Variants in ANXA4 observed in about 807,000 individuals in gnomAD.
The protein encoded by ANXA4 is annexin A4.
A neutral mutation model predicts 49.8 loss-of-function variants in ANXA4; 39 were observed. The ratio of observed to expected loss-of-function variants is 0.78; its 90% CI spans 0.61 to 1.02. ANXA4 has a LOEUF of 1.02. Among genes scored for constraint, ANXA4 ranks in the 50% least tolerant of loss-of-function variants. ANXA4 has a pLI of 0.00. For synonymous variants in ANXA4, 134 were observed against 152.5 expected, an observed-to-expected ratio of 0.88 and a Z score of 0.89; for missense variants, 360 against 410.1, an observed-to-expected ratio of 0.88 and a Z score of 1.05.
At chr2:69,742,953 C>A (rs1349270304) in intron 1 of ANXA4, among the ~76,000 whole-genome samples, 1 of 152,186 alleles carries the variant, frequency 6.6e-6, no homozygotes, top group Non-Finnish European at 1.5e-5. Flanking sequence ...CATTCTCCTG[C>A]CCACCAGTCC....
chr2:69,662,289 G>T (rs2704444), intron 2 of ANXA4, among the ~76,000 whole-genome samples: 15 of 152,194 alleles, frequency 9.9e-5, no homozygotes, highest in East Asian at 1.9e-4. Flanking sequence ...TTCCAGAAAG[G>T]ATACTCCAAG....
At chr2:69,671,045 A>AAAAAG (rs1559063602) in intron 2 of ANXA4, among the ~76,000 whole-genome samples, 5 of 151,280 alleles carry the variant, frequency 3.3e-5, no homozygotes, top group Admixed American at 1.3e-4. Flanking sequence ...AAAAAAAAAA[A>AAAAAG]AAAAGAAGGG....
chr2:69,809,369 T>A (rs994807273), intron 6 of ANXA4: 1 of 152,204 alleles, frequency 6.6e-6, no homozygotes, highest in Non-Finnish European at 1.5e-5. Flanking sequence ...ATCTGCCCAA[T>A]GAGGGTTTTC....
upstream of ANXA4, among the ~76,000 whole-genome samples, chr2:69,740,940 C>T (rs1037321983): frequency 1.3e-5 from 2 of 150,478 alleles, no homozygotes; most frequent in African/African-American, 4.9e-5. Context: ...GATCCACTTG[C>T]CCTGGCCTCC....
intron 3 of ANXA4, among the ~76,000 whole-genome samples, chr2:69,727,807 A>G (rs1008658319): frequency 1.3e-4 from 20 of 152,130 alleles, no homozygotes; most frequent in African/African-American, 4.3e-4. Flanking sequence ...GATTTTAACA[A>G]TTGTCTCGCT....
At position 69,691,338 on chromosome 2, in the gene ANXA4, C is replaced by T. The variant is rs570479133; in HGVS notation, n.767-29436C>T. Among the ~76,000 whole-genome samples the T allele has an allele frequency of 5.4e-3, 813 of 151,942 alleles. 10 individuals are homozygous for T. Among genetic ancestry groups the T allele is most frequent in the African/African-American group, 0.019 (767 of 41,412 alleles). On this transcript the variant is annotated intron_variant and non_coding_transcript_variant, in intron 2 of 3. Coordinates refer to the ANXA4 transcript ENST00000418066. ...GGGGTTTCACCATGTTGGCCTCGAA[C>T]TCCTGACCTCAAGTAATCCACCCGC...
At chr2:69,739,753 G>A (rs1205677045), upstream of ANXA4, among the ~76,000 whole-genome samples, 1 of 151,884 alleles carries the variant, frequency 6.6e-6, no homozygotes, top group Admixed American at 6.6e-5. Flanking sequence ...TCCTTGGAGT[G>A]GAATTTCAAC....
intron 3 of ANXA4, among the ~76,000 whole-genome samples, chr2:69,790,555 T>TC (rs1672647758): frequency 1.3e-5 from 2 of 152,332 alleles, no homozygotes; most frequent in South Asian, 4.1e-4. Context: ...ACAGAGTTTG[T>TC]TTGATACCTG....
At chr2:69,677,899 C>T (rs1178119667) in intron 2 of ANXA4, among the ~76,000 whole-genome samples, 1 of 152,240 alleles carries the variant, frequency 6.6e-6, no homozygotes, top group African/African-American at 2.4e-5. Flanking sequence ...TGAAGACCCT[C>T]ATGTGACAGG....
chr2:69,794,688 G>A (rs927854612), intron 3 of ANXA4, among the ~76,000 whole-genome samples: 9 of 152,042 alleles, frequency 5.9e-5, no homozygotes, highest in South Asian at 2.1e-4. Context: ...TCAGCCTCCC[G>A]AGTAGCTGGG....
intron 1 of ANXA4, among the ~76,000 whole-genome samples, chr2:69,745,524 TA>T (rs1218985388): frequency 2.0e-5 from 3 of 152,134 alleles, no homozygotes; most frequent in Admixed American, 6.6e-5. Context: ...AACTATGCTT[TA>T]TTTTTTTTAT....
intron 1 of ANXA4, among the ~76,000 whole-genome samples, chr2:69,760,318 G>A (rs968610477): frequency 2.0e-5 from 3 of 152,252 alleles, no homozygotes; most frequent in South Asian, 4.1e-4. Context: ...ATACACATAT[G>A]GTTTAAAAAT....
chr2:69,820,960 C>T (rs895716098), intron 12 of ANXA4, 139 bp downstream of exon 12: 6 of 982,896 alleles, frequency 6.1e-6, no homozygotes, highest in African/African-American at 5.0e-5. Flanking sequence ...TTTCCAGTCT[C>T]TCCTCTTTCA....
At chr2:69,687,215 C>G (rs1677821005) in intron 2 of ANXA4, among the ~76,000 whole-genome samples, 1 of 152,084 alleles carries the variant, frequency 6.6e-6, no homozygotes, top group African/African-American at 2.4e-5. Context: ...ATAAGGAAGA[C>G]ATTTCTGGCT....
chr2:69,788,174 G>A (rs376138690), intron 3 of ANXA4, 33 bp downstream of exon 3: 45 of 1,571,772 alleles, frequency 2.9e-5, no homozygotes, highest in South Asian at 8.9e-5. Context: ...ATCCTCCTGC[G>A]TGCATTGCAC....
intron 3 of ANXA4, among the ~76,000 whole-genome samples, chr2:69,793,131 A>G (rs1199758730): frequency 1.3e-5 from 2 of 152,070 alleles, no homozygotes; most frequent in African/African-American, 4.8e-5. Flanking sequence ...GCGTGCCTGT[A>G]ATCCCAGCTA....
intron 2 of ANXA4, among the ~76,000 whole-genome samples, chr2:69,787,304 A>G (rs1225246431): frequency 6.6e-6 from 1 of 152,188 alleles, no homozygotes; most frequent in East Asian, 1.9e-4. Context: ...ACAGGTTCAC[A>G]TTATGATCAT....
chr2:69,781,104 A>T (rs1377836502), intron 1 of ANXA4: 7 of 170,948 alleles, frequency 4.1e-5, no homozygotes, highest in Non-Finnish European at 8.7e-5. Context: ...AGATGCACAC[A>T]CAGAGGGGAG....
chr2:69,750,297 A>G lies in ANXA4; in HGVS notation c.-47+8122A>G, dbSNP rs546927906. On this transcript the variant is annotated intron_variant, in intron 1 of 12. Transcript: ENST00000394295. Reference sequence around the variant, plus strand: ...GCATGCAAGTATCCTTCAGTTTCCAATGAGATGAAGCAGCCACCGCTCATT... The same window carrying G: ...GCATGCAAGTATCCTTCAGTTTCCAGTGAGATGAAGCAGCCACCGCTCATT... Among the ~76,000 whole-genome samples the G allele has an allele frequency of 7.9e-5, 12 of 152,330 alleles. No homozygotes were observed. In the South Asian group the frequency reaches 1.2e-3, roughly 16 times the overall value.
Sources: allele counts gnomAD v4.1 joint callset (sites outside exome capture counted in the v4.1 genomes callset), GRCh38; gene constraint gnomAD v4.1.1; transcripts MANE v1.5; gene names NCBI Gene and HGNC (gene_info 2026-07-23, HGNC 2026-07-21).